The following PCDH15 variants were observed in gnomAD, a reference collection of about 807,000 sequenced individuals.
PCDH15 encodes protocadherin-15.
Under a neutral mutation model 178.5 loss-of-function variants are expected in PCDH15, and 129 were observed. The ratio of observed to expected loss-of-function variants is 0.72; its 90% confidence interval spans 0.63 to 0.84. PCDH15 has a LOEUF of 0.84. Ranked by LOEUF, PCDH15 falls within the 40% of genes least tolerant of loss-of-function variation. The pLI, the probability that PCDH15 is intolerant of heterozygous loss-of-function variation, is 0.00. For missense variants in PCDH15, 2,230 were observed against 2,099.9 expected (o/e 1.06, Z -1.21); for synonymous variants, 800 against 732.0 (o/e 1.09, Z -1.50).
intron 10 of PCDH15, 83 bp from the exon 11 acceptor site, chr10:54,195,972 G>T: frequency 8.0e-7 from 1 of 1,256,100 alleles, no homozygotes; most frequent in East Asian, 2.5e-5. Flanking sequence ...GCAATATATA[G>T]GGTTCTCTTT....
chr10:54,982,451 T>C (rs1159193949), intron 2 of PCDH15, among the ~76,000 whole-genome samples: 2 of 152,158 alleles, frequency 1.3e-5, no homozygotes, highest in African/African-American at 2.4e-5. Flanking sequence ...TCACTTGAGA[T>C]AAAACTTGAA....
intron 1 of PCDH15, among the ~76,000 whole-genome samples, chr10:55,196,671 T>C (rs1369107987): frequency 6.6e-6 from 1 of 152,084 alleles, no homozygotes; most frequent in African/African-American, 2.4e-5. Context: ...TAAAAGTATT[T>C]CATTAATGGT....
chr10:54,853,815 C>A (rs770195408), intron 3 of PCDH15, among the ~76,000 whole-genome samples: 1 of 152,094 alleles, frequency 6.6e-6, no homozygotes, highest in African/African-American at 2.4e-5. Flanking sequence ...ACAAAACGTT[C>A]TTTTCAAGTT....
At position 54,438,872 on chromosome 10, in the gene PCDH15, G is replaced by A. The variant is rs113599370; in HGVS notation, c.158-59930C>T. Among the ~76,000 whole-genome samples, 91 of 152,134 alleles carry A rather than the reference G, an allele frequency of 6.0e-4. 1 individual carries two copies. Among genetic ancestry groups the A allele is most frequent in the African/African-American group, 2.0e-3 (82 of 41,520 alleles). On this transcript the variant is annotated intron_variant, in intron 3 of 37. Coordinates refer to ENST00000644397, the MANE Select transcript of PCDH15 (RefSeq NM_001384140.1). ...AAATAATTGAAAGCACTCTCACTTA[G>A]GCAGCTAATTCACTGTCTATATGAT...
intron 2 of PCDH15, among the ~76,000 whole-genome samples, chr10:54,595,240 C>T (rs991532756): frequency 2.0e-5 from 3 of 152,136 alleles, no homozygotes; most frequent in African/African-American, 7.2e-5. Context: ...CACATTGACC[C>T]CTCCAGTGCA....
At chr10:55,516,359 A>G (rs1841012645) in intron 2 of PCDH15, among the ~76,000 whole-genome samples, 1 of 152,160 alleles carries the variant, frequency 6.6e-6, no homozygotes. Context: ...AGCCACGTGT[A>G]ACTGTGAGCT....
At chr10:54,146,735 T>C (rs1490347588) in intron 14 of PCDH15, among the ~76,000 whole-genome samples, 2 of 151,276 alleles carry the variant, frequency 1.3e-5, no homozygotes, top group South Asian at 4.1e-4. Flanking sequence ...ACTACATTTA[T>C]GGATGAAAGC....
chr10:55,498,309 T>C (rs1159420270), intron 2 of PCDH15, among the ~76,000 whole-genome samples: 1 of 151,902 alleles, frequency 6.6e-6, no homozygotes, highest in Non-Finnish European at 1.5e-5. Flanking sequence ...TCTGATAAAG[T>C]GAAAAGACTT....
chr10:54,906,198 A>G (rs1954718809), intron 2 of PCDH15, among the ~76,000 whole-genome samples: 1 of 152,114 alleles, frequency 6.6e-6, no homozygotes, highest in Non-Finnish European at 1.5e-5. Context: ...GTAAATTGAT[A>G]CTTCCAGAAT....
intron 2 of PCDH15, among the ~76,000 whole-genome samples, chr10:54,967,294 A>G (rs556638585): frequency 2.0e-5 from 3 of 152,294 alleles, no homozygotes; most frequent in East Asian, 3.9e-4. Context: ...TAAATTGCAC[A>G]TATTTTAAGA....
chr10:54,870,664 T>C (rs1163466453), intron 3 of PCDH15, among the ~76,000 whole-genome samples: 1 of 151,884 alleles, frequency 6.6e-6, no homozygotes, highest in Non-Finnish European at 1.5e-5. Flanking sequence ...CGGGCGCCTG[T>C]AGTCCCAGCT....
intron 1 of PCDH15, among the ~76,000 whole-genome samples, chr10:54,741,554 C>G (rs1944809098): frequency 6.6e-6 from 1 of 151,966 alleles, no homozygotes; most frequent in Non-Finnish European, 1.5e-5. Context: ...TAAAACAACA[C>G]AAATGTATCT....
At chr10:54,173,666 A>T (rs970392781) in intron 13 of PCDH15, among the ~76,000 whole-genome samples, 2 of 152,208 alleles carry the variant, frequency 1.3e-5, no homozygotes, top group Non-Finnish European at 2.9e-5. Context: ...TATTTATTAA[A>T]GGTCAATGTG....
intron 25 of PCDH15, among the ~76,000 whole-genome samples, chr10:53,933,959 G>A (rs2085328179): frequency 6.6e-6 from 1 of 152,066 alleles, no homozygotes; most frequent in Admixed American, 6.5e-5. Context: ...TTTTTTGGCT[G>A]CATAAATATC....
intron 2 of PCDH15, among the ~76,000 whole-genome samples, chr10:55,546,149 T>C (rs777171172): frequency 2.0e-5 from 3 of 152,170 alleles, no homozygotes; most frequent in Non-Finnish European, 4.4e-5. Context: ...ATTAAAATTA[T>C]ATATAGAAAC....
intron 3 of PCDH15, among the ~76,000 whole-genome samples, chr10:54,891,436 A>T (rs540585102): frequency 6.6e-6 from 1 of 152,232 alleles, no homozygotes; most frequent in African/African-American, 2.4e-5. Context: ...TACAGTTTCT[A>T]TGTCTGATCA....
At chr10:55,211,084 T>A (rs985810087) in intron 1 of PCDH15, among the ~76,000 whole-genome samples, 2 of 152,034 alleles carry the variant, frequency 1.3e-5, no homozygotes, top group Non-Finnish European at 2.9e-5. Context: ...GAGACTAGCA[T>A]CAGCCCAGCT....
chr10:55,213,143 T>A (rs1840612363), intron 1 of PCDH15, among the ~76,000 whole-genome samples: 1 of 152,132 alleles, frequency 6.6e-6, no homozygotes, highest in African/African-American at 2.4e-5. Flanking sequence ...GTTTGACTCA[T>A]CTTTTCATTG....
At chr10:55,031,800 A>G (rs886156134) in intron 2 of PCDH15, among the ~76,000 whole-genome samples, 4 of 152,142 alleles carry the variant, frequency 2.6e-5, no homozygotes, top group Non-Finnish European at 4.4e-5. Context: ...CTCACCAGAC[A>G]ACCAAACCTG....
Sources: gnomAD v4.1 joint callset for allele counts (sites outside exome capture counted in the v4.1 genomes callset) on GRCh38, gnomAD v4.1.1 for gene constraint, MANE v1.5 for transcripts, NCBI Gene and HGNC (gene_info 2026-07-23, HGNC 2026-07-21) for gene names.